The following DAB2IP variants were observed in gnomAD, a reference collection of about 807,000 sequenced individuals.
DAB2IP encodes disabled homolog 2-interacting protein.
DAB2IP carries 28 observed loss-of-function variants against 107.2 expected under a neutral mutation model. The observed-to-expected ratio is 0.26, with a 90% confidence interval of 0.19 to 0.36. The LOEUF (loss-of-function observed/expected upper bound fraction) is 0.36, where lower values mean the gene tolerates loss of function less well. Among genes scored for constraint, DAB2IP ranks in the 10% least tolerant of loss-of-function variants. The pLI is 1.00. For synonymous variants in DAB2IP, 755 were observed against 706.4 expected (o/e 1.07, Z -1.09); for missense variants, 1,400 against 1,644.7 (o/e 0.85, Z 2.57).
At chr9:121,747,857 C>CAAA (rs35203556) in intron 3 of DAB2IP, among the ~76,000 whole-genome samples, 74 of 128,070 alleles carry the variant, frequency 5.8e-4, no homozygotes, top group African/African-American at 2.0e-3. Flanking sequence ...TCCTCCCCCG[C>CAAA]AAAAAAAAAA....
intron 1 of DAB2IP, among the ~76,000 whole-genome samples, chr9:121,668,196 A>ATT (rs11314701): frequency 0.014 from 1,930 of 142,604 alleles, 56 homozygotes; most frequent in African/African-American, 0.048. Context: ...GCTGTTGTTG[A>ATT]TTTTTTTTTT....
chr9:121,780,129 TC>T (rs1835499184), intron 14 of DAB2IP, among the ~76,000 whole-genome samples: 1 of 152,150 alleles, frequency 6.6e-6, no homozygotes, highest in Non-Finnish European at 1.5e-5. Context: ...CAAGTGATCC[TC>T]CCTCCCTGGC....
chr9:121,653,255 GCCTTTAGTACTCCTTGGAGGGAGTACTAA>G, intron 1 of DAB2IP, among the ~76,000 whole-genome samples: 1 of 42,604 alleles, frequency 2.3e-5, no homozygotes, highest in Non-Finnish European at 5.8e-5. Context: ...GGAGTACTAA[GCCTTTAGTACTCCTTGGAGGGAGTACTAA>G]AGACCTGGGG....
At chr9:121,581,747 A>G (rs11793578) in intron 1 of DAB2IP, among the ~76,000 whole-genome samples, 4,729 of 152,288 alleles carry the variant, frequency 0.031, 98 homozygotes, top group Non-Finnish European at 0.042. Flanking sequence ...TGTGAGAGCT[A>G]CAAGGAGGCT....
intron 1 of DAB2IP, among the ~76,000 whole-genome samples, chr9:121,610,639 C>T (rs1047194002): frequency 2.0e-5 from 3 of 152,094 alleles, no homozygotes; most frequent in East Asian, 1.9e-4. Context: ...TAATTCAGCA[C>T]GTGAGGGGTG....
intron 2 of DAB2IP, among the ~76,000 whole-genome samples, chr9:121,695,943 A>G (rs1277307928): frequency 6.6e-6 from 1 of 152,096 alleles, no homozygotes; most frequent in Non-Finnish European, 1.5e-5. Context: ...AACTTGGCTC[A>G]CTGCAGCCTC....
chr9:121,636,900 G>C (rs750861165), intron 1 of DAB2IP, among the ~76,000 whole-genome samples: 1 of 152,206 alleles, frequency 6.6e-6, no homozygotes, highest in Non-Finnish European at 1.5e-5. Context: ...TACAGAGTGG[G>C]GAGTTTGGGC....
At chr9:121,755,144 C>T (rs1233160434) in intron 3 of DAB2IP, among the ~76,000 whole-genome samples, 5 of 152,156 alleles carry the variant, frequency 3.3e-5, no homozygotes, top group South Asian at 2.1e-4. Context: ...TGGTCATTGC[C>T]GTGATGGGGA....
intron 3 of DAB2IP, among the ~76,000 whole-genome samples, chr9:121,714,936 G>T (rs1425758534): frequency 2.6e-5 from 4 of 152,258 alleles, no homozygotes; most frequent in Non-Finnish European, 4.4e-5. Flanking sequence ...CACGGGACTT[G>T]TATGGCCTTA....
At chr9:121,603,885 A>C (rs1452715587) in intron 1 of DAB2IP, among the ~76,000 whole-genome samples, 3 of 151,774 alleles carry the variant, frequency 2.0e-5, no homozygotes, top group Non-Finnish European at 2.9e-5. Context: ...TGAGGGGTTG[A>C]GTTGGGCTGG....
chr9:121,666,880 ACACACACAC>A, intron 1 of DAB2IP, among the ~76,000 whole-genome samples: 2 of 101,678 alleles, frequency 2.0e-5, no homozygotes, highest in Non-Finnish European at 5.3e-5. Flanking sequence ...ACACACACAC[ACACACACAC>A]ACACACACAC....
At chr9:121,576,586 T>G (rs585260) in intron 1 of DAB2IP, among the ~76,000 whole-genome samples, 3 of 151,864 alleles carry the variant, frequency 2.0e-5, no homozygotes, top group Non-Finnish European at 4.4e-5. Context: ...TGCTTTACTG[T>G]TTGTCCCCAT....
chr9:121,626,094 G>A (rs1464016762), intron 1 of DAB2IP, among the ~76,000 whole-genome samples: 6 of 152,190 alleles, frequency 3.9e-5, no homozygotes. Flanking sequence ...AGAAGGGCAG[G>A]CAGAATTATG....
intron 9 of DAB2IP, 100 bp from the exon 10 acceptor site, chr9:121,768,332 G>A (rs1486753771): frequency 3.1e-6 from 4 of 1,287,962 alleles, no homozygotes; most frequent in African/African-American, 1.5e-5. Flanking sequence ...GTGGGAGCCT[G>A]CCATAGTGGG....
At chr9:121,728,842 G>A (rs1388591633) in intron 3 of DAB2IP, among the ~76,000 whole-genome samples, 2 of 152,002 alleles carry the variant, frequency 1.3e-5, no homozygotes, top group Non-Finnish European at 2.9e-5. Context: ...CAGGGGAAGG[G>A]GTTATTTAAA....
At position 121,699,349 on chromosome 9, in the gene DAB2IP, G is replaced by T; in HGVS notation, c.253G>T (p.Gly85Cys). The T allele has an allele frequency of 6.8e-7, 1 of 1,473,856 alleles. No individual in the cohort carries two copies. The highest frequency in any genetic ancestry group is 9.1e-7 in the Non-Finnish European group (1 of 1,101,814). 91.3% of individuals were successfully genotyped at this position (1,473,856 alleles called of 1,614,324 possible). Residue 85 changes from glycine (G) to cysteine (C), a missense_variant, in exon 3 of 16, where the codon GGC becomes TGC. Gly to Cys is a radical substitution (Grantham distance 159). Coordinates refer to ENST00000408936, the Ensembl canonical transcript of DAB2IP. This position sits in a 1 kb window ranked among gnomAD's most constrained non-coding sequence, Gnocchi z 6.2. ...GGGCTTCCTCAGCCGCCGCCTCAAG[G>T]GCTCCATCAAGCGCACCAAGAGCCA...
chr9:121,715,493 C>T (rs920657235), intron 3 of DAB2IP, among the ~76,000 whole-genome samples: 1 of 151,956 alleles, frequency 6.6e-6, no homozygotes, highest in Non-Finnish European at 1.5e-5. Flanking sequence ...GCTGGGACTA[C>T]AGGCACCTAC....
chr9:121,709,472 G>A (rs1272375092), intron 3 of DAB2IP, among the ~76,000 whole-genome samples: 1 of 152,148 alleles, frequency 6.6e-6, no homozygotes, highest in Non-Finnish European at 1.5e-5. Context: ...ATAGCCCTTT[G>A]AAGGATACGT....
chr9:121,620,799 CA>C (rs577391883), intron 1 of DAB2IP, among the ~76,000 whole-genome samples: 1 of 152,320 alleles, frequency 6.6e-6, no homozygotes, highest in South Asian at 2.1e-4. Context: ...TACCAGCTCT[CA>C]CCTGGGAGCC....
Sources: gnomAD v4.1 joint callset for allele counts (sites outside exome capture counted in the v4.1 genomes callset) on GRCh38, gnomAD v4.1.1 for gene constraint, Gnocchi (gnomAD v3.1) non-coding constraint, MANE v1.5 for transcripts, NCBI Gene and HGNC (gene_info 2026-07-23, HGNC 2026-07-21) for gene names.